The following SLC6A12 variants were observed in gnomAD, a reference collection of about 807,000 sequenced individuals.
The protein encoded by SLC6A12 is solute carrier family 6 member 12, also known as sodium- and chloride-dependent betaine transporter.
A neutral mutation model predicts 73.3 loss-of-function variants in SLC6A12; 50 were observed. The ratio of observed to expected loss-of-function variants is 0.68; its 90% CI spans 0.54 to 0.86. The LOEUF is 0.86. Among genes scored for constraint, SLC6A12 ranks in the 40% least tolerant of loss-of-function variants. The probability of loss-of-function intolerance (pLI) is 0.00; values close to 1 mark genes in which losing one functional copy is unlikely to be tolerated. For synonymous variants in SLC6A12, 304 were observed against 309.2 expected (o/e 0.98, Z 0.18); for missense variants, 648 against 772.8 (o/e 0.84, Z 1.92).
intron 13 of SLC6A12, 25 bp downstream of exon 13, chr12:195,200 T>G: frequency 6.9e-7 from 1 of 1,456,962 alleles, no homozygotes; most frequent in Non-Finnish European, 9.6e-7. Context: ...CACCCTGCTT[T>G]CCCACCCCAC....
chr12:197,292 C>T, intron 10 of SLC6A12, 85 bp downstream of exon 10: 1 of 1,452,360 alleles, frequency 6.9e-7, no homozygotes, highest in Non-Finnish European at 9.3e-7. Context: ...TGCCCATCTT[C>T]TGGGACTCAT....
In SLC6A12 at chr12:198,037, C is replaced by G; in HGVS notation, c.847-34G>C. The G allele has an allele frequency of 1.3e-6, 2 of 1,568,430 alleles. No individual in the cohort carries two copies. Among genetic ancestry groups the G allele is most frequent in the Non-Finnish European group, 1.8e-6 (2 of 1,139,366 alleles). ...AACCCCAAGAAAGAGGTAGAGGCAG[C>G]CCCCAGGGCCCAGAGCCAGGGTGAC... On this transcript the variant is annotated intron_variant, in intron 8 of 15. Coordinates refer to ENST00000684302, the MANE Select transcript of SLC6A12 (RefSeq NM_001122848.3). This position sits in a 1 kb window ranked among gnomAD's most constrained non-coding sequence, Gnocchi z 4.0.
chr12:186,440 T>C (rs477623), downstream of SLC6A12, among the ~76,000 whole-genome samples: 32,211 of 152,148 alleles, frequency 0.21, 5,236 homozygotes, highest in African/African-American at 0.46. Flanking sequence ...AACAACCATA[T>C]GCATTTCTCA....
Position 196,406 on chromosome 12 carries a change from G to A in SLC6A12, c.1189-145C>T, listed in dbSNP as rs565356151. On this transcript the variant is annotated intron_variant, in intron 11 of 15. Transcript: ENST00000684302. ...AAGGGAAGAAATGGGGGTGCCCTGGGGTGAGCCAACCCTGCCCTTAACTAC... is the reference window on the plus strand; with the variant it reads ...AAGGGAAGAAATGGGGGTGCCCTGGAGTGAGCCAACCCTGCCCTTAACTAC... 57 of 985,124 alleles carry A rather than the reference G, an allele frequency of 5.8e-5. No homozygotes were observed. In the South Asian group the frequency reaches 8.1e-4, roughly 14 times the overall value. The allele number at this position is 985,124 out of a possible 1,614,324, so 61.0% of individuals were successfully genotyped here.
downstream of SLC6A12, among the ~76,000 whole-genome samples, chr12:188,140 C>T (rs1213298789): frequency 2.6e-5 from 4 of 152,162 alleles, no homozygotes; most frequent in East Asian, 3.9e-4. Context: ...CTTGGGTGGT[C>T]GATGGGACTG....
rs776355858 is a variant in SLC6A12, at chr12:197,451, C to T, written c.1001G>A (p.Gly334Glu). The part of the protein sequence containing the change: ...FLNSATSFVA[G>E]FVVFSILGFM... ...GCCCAGGATGGAGAAGACAACAAACCCAGCCACAAAGCTGGTGGCACTGTT... is the reference window on the plus strand; with the variant it reads ...GCCCAGGATGGAGAAGACAACAAACTCAGCCACAAAGCTGGTGGCACTGTT... The change falls in exon 10 of 16, where the codon GGG (glycine) becomes GAG (glutamate). Residue 334 changes from glycine (G) to glutamate (E), a missense_variant. Physicochemically the swap from Gly to Glu is moderately conservative, Grantham distance 98. Coordinates refer to ENST00000684302, the MANE Select transcript of SLC6A12 (RefSeq NM_001122848.3). 50 of 1,613,766 alleles carry T rather than the reference C, an allele frequency of 3.1e-5. No homozygotes were observed. In the Admixed American group the frequency reaches 8.3e-4, roughly 27 times the overall value.
chr12:190,842 G>T lies in SLC6A12; in HGVS notation c.*226C>A. ...ATGGTGCCTTCCCACAGGGAGTGGCGTCCCAACATGGCACGTCCCAGTGGT... is the reference window on the plus strand; with the variant it reads ...ATGGTGCCTTCCCACAGGGAGTGGCTTCCCAACATGGCACGTCCCAGTGGT... On this transcript the variant is annotated 3_prime_UTR_variant, in exon 16 of 16. Transcript: ENST00000684302. The T allele has an allele frequency of 2.7e-6, 1 of 371,680 alleles. No individual in the cohort carries two copies. The allele number at this position is 371,680 out of a possible 1,614,324, so 23.0% of individuals were successfully genotyped here.
intron 3 of SLC6A12, chr12:204,985 G>A (rs1940553933): frequency 3.0e-6 from 1 of 332,838 alleles, no homozygotes; most frequent in Non-Finnish European, 5.6e-6. Flanking sequence ...TATTTTCTTA[G>A]TGTGCTTTAC....
intron 7 of SLC6A12, among the ~76,000 whole-genome samples, chr12:200,356 C>T (rs1020159114): frequency 1.3e-5 from 2 of 152,124 alleles, no homozygotes; most frequent in Admixed American, 6.5e-5. Flanking sequence ...GATCCGCCAG[C>T]CTCGGCCTCC....
chr12:188,073 G>T (rs1428074126), downstream of SLC6A12, among the ~76,000 whole-genome samples: 2 of 152,212 alleles, frequency 1.3e-5, no homozygotes, highest in Non-Finnish European at 2.9e-5. Context: ...ATCCCTCACT[G>T]GGGCCACAGG....
chr12:211,505 G>T (rs1940903134), intron 2 of SLC6A12, among the ~76,000 whole-genome samples: 1 of 152,228 alleles, frequency 6.6e-6, no homozygotes, highest in Admixed American at 6.5e-5. Flanking sequence ...TTATGAGGGA[G>T]AAGGCAGGGG....
chr12:210,750 C>T (rs917064555), intron 2 of SLC6A12: 5 of 152,334 alleles, frequency 3.3e-5, no homozygotes, highest in Non-Finnish European at 5.9e-5. Context: ...CCAGTTCTCA[C>T]CTGGCTGGCA....
chr12:198,639 A>T lies in SLC6A12; in HGVS notation c.846+158T>A. 1 of 668,720 alleles carries T rather than the reference A, an allele frequency of 1.5e-6. No homozygotes were observed. The highest frequency in any genetic ancestry group is 2.4e-6 in the Non-Finnish European group (1 of 408,874). The allele number at this position is 668,720 out of a possible 1,614,324, so 41.4% of individuals were successfully genotyped here. ...TGGTGGAATTACAAGAGATTTTTTT[A>T]GTTTCTTTTTTATAGCTTTCTTCCA... On this transcript the variant is annotated intron_variant, in intron 8 of 15. Transcript: ENST00000684302. The surrounding 1 kb of genome is among the most constrained non-coding windows in gnomAD (Gnocchi z 4.0).
intron 13 of SLC6A12, among the ~76,000 whole-genome samples, chr12:193,723 G>T (rs146044701): frequency 1.3e-5 from 2 of 152,188 alleles, no homozygotes; most frequent in Non-Finnish European, 2.9e-5. Flanking sequence ...CTGTTTACCC[G>T]GGTAGCAGAG....
At chr12:199,138 A>G in intron 7 of SLC6A12, 3 of 298,986 alleles carry the variant, frequency 1.0e-5, no homozygotes, top group African/African-American at 2.3e-5. Flanking sequence ...ACACATCAGC[A>G]GGGGGAGGGT....
At chr12:188,728 C>A (rs1409105175), downstream of SLC6A12, among the ~76,000 whole-genome samples, 1 of 151,828 alleles carries the variant, frequency 6.6e-6, no homozygotes, top group Non-Finnish European at 1.5e-5. Context: ...CACAGGCACA[C>A]ACACACACCT....
intron 13 of SLC6A12, among the ~76,000 whole-genome samples, chr12:194,519 A>C (rs912201758): frequency 5.9e-5 from 9 of 152,186 alleles, no homozygotes; most frequent in Non-Finnish European, 1.2e-4. Context: ...CTTAGGCAAG[A>C]GACTGAACCC....
intron 6 of SLC6A12, 49 bp from the exon 7 acceptor site, chr12:200,832 A>G: frequency 1.3e-6 from 2 of 1,580,146 alleles, no homozygotes; most frequent in African/African-American, 2.7e-5. Flanking sequence ...TAAAGGGGAC[A>G]GTTTGCGTCT....
At chr12:187,466 C>A (rs558841782), downstream of SLC6A12, among the ~76,000 whole-genome samples, 3 of 151,490 alleles carry the variant, frequency 2.0e-5, no homozygotes, top group African/African-American at 7.3e-5. Context: ...TTTTTCCTCC[C>A]GATGGTTCAG....
Sources: gnomAD v4.1 joint callset for allele counts (sites outside exome capture counted in the v4.1 genomes callset) on GRCh38, gnomAD v4.1.1 for gene constraint, Gnocchi (gnomAD v3.1) non-coding constraint, MANE v1.5 for transcripts, NCBI Gene and HGNC (gene_info 2026-07-23, HGNC 2026-07-21) for gene names.